Variants in TGFBR3 observed in about 807,000 individuals in gnomAD.
TGFBR3 encodes transforming growth factor beta receptor type 3.
In TGFBR3, 46 loss-of-function variants were observed where a neutral mutation model predicts 87.9. That is an observed-to-expected ratio of 0.52 (90% confidence interval 0.41 to 0.67). The LOEUF (loss-of-function observed/expected upper bound fraction) is 0.67, where lower values mean the gene tolerates loss of function less well. Among genes scored for constraint, TGFBR3 ranks in the 30% least tolerant of loss-of-function variants. The pLI, the probability that TGFBR3 is intolerant of heterozygous loss-of-function variation, is 0.00. For synonymous variants in TGFBR3, 381 were observed against 391.6 expected, an observed-to-expected ratio of 0.97 and a Z score of 0.32; for missense variants, 866 against 1,041.9, an observed-to-expected ratio of 0.83 and a Z score of 2.32.
At chr1:91,860,077 G>A (rs569808948) in intron 2 of TGFBR3, among the ~76,000 whole-genome samples, 139 of 152,198 alleles carry the variant, frequency 9.1e-4, no homozygotes, top group Non-Finnish European at 1.5e-3. Context: ...ATAACACAGA[G>A]GTGAAGAGCA....
chr1:91,789,092 T>C (rs1358762307), intron 3 of TGFBR3, among the ~76,000 whole-genome samples: 2 of 152,120 alleles, frequency 1.3e-5, no homozygotes, highest in Non-Finnish European at 2.9e-5. Context: ...GGTCAAGAGA[T>C]CGAGGCCATC....
intron 16 of TGFBR3, among the ~76,000 whole-genome samples, chr1:91,684,737 G>A (rs1671033169): frequency 6.6e-6 from 1 of 152,164 alleles, no homozygotes; most frequent in African/African-American, 2.4e-5. Context: ...CGGCCTCAGT[G>A]CAACCCTCAA....
At position 91,682,596 on chromosome 1, in the gene TGFBR3, T is replaced by C. The variant is rs1427542028; in HGVS notation, c.*1143A>G. 4.4e-6 allele frequency: 2 copies of C among 453,906 alleles called. No homozygotes were observed. The highest frequency in any genetic ancestry group is 8.8e-6 in the Non-Finnish European group (2 of 226,746). 28.1% of individuals were successfully genotyped at this position (453,906 alleles called of 1,614,324 possible). A position where few individuals can be genotyped will look rare whatever the true frequency, so the allele number is the denominator to read the frequency against. ...CCCTTTTCCAATCTCAGCACTGTCTTGGTGGAATTGGTGACACTATTCAGA... is the reference window on the plus strand; with the variant it reads ...CCCTTTTCCAATCTCAGCACTGTCTCGGTGGAATTGGTGACACTATTCAGA... On this transcript the variant is annotated 3_prime_UTR_variant, in exon 17 of 17. Transcript: ENST00000212355.
At chr1:91,875,780 C>CGT (rs1678768094) in intron 1 of TGFBR3, among the ~76,000 whole-genome samples, 1 of 6,892 alleles carries the variant, frequency 1.5e-4, no homozygotes, top group African/African-American at 5.0e-4. Context: ...CCCAGCTACT[C>CGT]GGGCGGGGGG....
At chr1:91,875,415 C>T (rs548565954) in intron 1 of TGFBR3, among the ~76,000 whole-genome samples, 85 of 151,880 alleles carry the variant, frequency 5.6e-4, no homozygotes, top group African/African-American at 2.0e-3. Flanking sequence ...TGGCACTGTC[C>T]GATAGGCTGT....
At chr1:91,823,718 A>G (rs1676533755) in intron 2 of TGFBR3, among the ~76,000 whole-genome samples, 1 of 152,252 alleles carries the variant, frequency 6.6e-6, no homozygotes, top group African/African-American at 2.4e-5. Context: ...GACTACAGGG[A>G]GGCTGAAGAG....
intron 2 of TGFBR3, among the ~76,000 whole-genome samples, chr1:91,841,560 C>T (rs1677281412): frequency 6.7e-6 from 1 of 148,904 alleles, no homozygotes; most frequent in Non-Finnish European, 1.5e-5. Context: ...TTTGGGAGGC[C>T]AAGGCGGGCA....
At chr1:91,895,069 T>C (rs1226350109) in intron 2 of TGFBR3, among the ~76,000 whole-genome samples, 1 of 152,044 alleles carries the variant, frequency 6.6e-6, no homozygotes, top group Non-Finnish European at 1.5e-5. Flanking sequence ...CGCGCCCAGC[T>C]GAGACACTCT....
chr1:91,742,203 G>A (rs553293762), intron 4 of TGFBR3, among the ~76,000 whole-genome samples: 1 of 152,270 alleles, frequency 6.6e-6, no homozygotes, highest in South Asian at 2.1e-4. Context: ...ACAAGTGACT[G>A]TACAGACCTT....
intron 2 of TGFBR3, among the ~76,000 whole-genome samples, chr1:91,810,641 G>C (rs371229018): frequency 1.3e-5 from 2 of 152,118 alleles, no homozygotes; most frequent in African/African-American, 4.8e-5. Flanking sequence ...AAACTCCCAA[G>C]CTGCTAATTC....
chr1:91,739,865 G>A (rs559779258), intron 4 of TGFBR3, among the ~76,000 whole-genome samples: 436 of 152,284 alleles, frequency 2.9e-3, no homozygotes, highest in Non-Finnish European at 4.7e-3. Flanking sequence ...GGAAGCAGGC[G>A]TGACTTATAT....
intron 14 of TGFBR3, among the ~76,000 whole-genome samples, chr1:91,707,045 G>A (rs147305238): frequency 1.5e-4 from 23 of 152,276 alleles, no homozygotes; most frequent in African/African-American, 5.1e-4. Flanking sequence ...ACTTTAGGAC[G>A]GCCAGAAAAA....
At chr1:91,817,375 G>C (rs1676271536) in intron 2 of TGFBR3, among the ~76,000 whole-genome samples, 1 of 152,104 alleles carries the variant, frequency 6.6e-6, no homozygotes, top group Non-Finnish European at 1.5e-5. Flanking sequence ...TTCACACCAA[G>C]ATCAGTTGCA....
chr1:91,831,820 G>A lies in TGFBR3; in HGVS notation c.61+29651C>T, dbSNP rs138735390. On this transcript the variant is annotated intron_variant, in intron 2 of 16. Transcript: ENST00000212355. ...AATTACCTCTATTTTTGAAAACGAC[G>A]TAAGTCCTGTGAAATATAATAGCCA... Among the ~76,000 whole-genome samples, 12 of 152,254 alleles carry A rather than the reference G, an allele frequency of 7.9e-5. No homozygotes were observed. In the East Asian group the frequency reaches 1.5e-3, roughly 20 times the overall value.
chr1:91,831,318 G>C (rs1392237862), intron 2 of TGFBR3, among the ~76,000 whole-genome samples: 2 of 152,124 alleles, frequency 1.3e-5, no homozygotes, highest in Non-Finnish European at 2.9e-5. Flanking sequence ...TAAAATAGAA[G>C]TGAGCATAAA....
intron 3 of TGFBR3, among the ~76,000 whole-genome samples, chr1:91,783,600 A>G (rs938868776): frequency 6.6e-6 from 1 of 152,216 alleles, no homozygotes; most frequent in African/African-American, 2.4e-5. Context: ...CTTCTGGCCG[A>G]CACACAACTT....
chr1:91,755,886 A>G (rs1052951705), intron 4 of TGFBR3, among the ~76,000 whole-genome samples: 4 of 152,134 alleles, frequency 2.6e-5, no homozygotes, highest in African/African-American at 4.8e-5. Flanking sequence ...GCCAAACTAG[A>G]TATTTCATAA....
chr1:91,685,145 C>A (rs1671046358), intron 16 of TGFBR3, among the ~76,000 whole-genome samples: 1 of 152,078 alleles, frequency 6.6e-6, no homozygotes, highest in African/African-American at 2.4e-5. Context: ...TCCTGTCACC[C>A]CTTTCATGAA....
At chr1:91,859,411 C>CT (rs113558784) in intron 2 of TGFBR3, among the ~76,000 whole-genome samples, 18 of 91,016 alleles carry the variant, frequency 2.0e-4, no homozygotes, top group East Asian at 1.5e-3. Context: ...TTCTCTCTCT[C>CT]TTTTTTTTTG....
Sources: gnomAD v4.1 joint callset for allele counts (sites outside exome capture counted in the v4.1 genomes callset) on GRCh38, gnomAD v4.1.1 for gene constraint, MANE v1.5 for transcripts, NCBI Gene and HGNC (gene_info 2026-07-23, HGNC 2026-07-21) for gene names.